Variants in ANKRD10 observed in about 807,000 individuals in gnomAD.
The protein encoded by ANKRD10 is ankyrin repeat domain-containing protein 10.
In ANKRD10, 14 loss-of-function variants were observed where a neutral mutation model predicts 27.0. The observed-to-expected ratio is 0.52, with a 90% confidence interval of 0.34 to 0.81. The LOEUF (loss-of-function observed/expected upper bound fraction) is 0.81. ANKRD10 is among the 40% of genes least tolerant of loss of function. The pLI is 0.01. For missense variants in ANKRD10, 493 were observed against 544.0 expected (o/e 0.91, Z 0.93); for synonymous variants, 250 against 224.5 (o/e 1.11, Z -1.01).
intron 3 of ANKRD10, chr13:110,894,046 T>C: frequency 8.5e-7 from 1 of 1,181,250 alleles, no homozygotes; most frequent in Non-Finnish European, 1.3e-6. Context: ...CAGATTCAAG[T>C]AGGAAGTGAT....
chr13:110,912,801 G>A (rs758491081), intron 1 of ANKRD10, among the ~76,000 whole-genome samples: 41 of 152,336 alleles, frequency 2.7e-4, no homozygotes, highest in Non-Finnish European at 5.3e-4. Context: ...GACTTCGCAA[G>A]CGGTAGCCCT....
chr13:110,905,966 TACTG>T, intron 3 of ANKRD10, 63 bp downstream of exon 3: 2 of 1,413,556 alleles, frequency 1.4e-6, no homozygotes, highest in South Asian at 2.6e-5. Context: ...CCTGCTTATG[TACTG>T]CCTTTAAACA....
intron 5 of ANKRD10, 25 bp downstream of exon 5, chr13:110,883,673 C>T (rs1039761909): frequency 4.3e-6 from 7 of 1,612,562 alleles, no homozygotes; most frequent in Non-Finnish European, 5.9e-6. Context: ...GTTGTTGCAG[C>T]TAACAGGAAA....
intron 2 of ANKRD10, among the ~76,000 whole-genome samples, chr13:110,910,363 C>T (rs2065659436): frequency 6.6e-6 from 1 of 152,144 alleles, no homozygotes; most frequent in Non-Finnish European, 1.5e-5. Flanking sequence ...CTTTAATTAC[C>T]AGCTATAACC....
At chr13:110,888,178 G>T (rs1449402221) in intron 4 of ANKRD10, among the ~76,000 whole-genome samples, 2 of 151,332 alleles carry the variant, frequency 1.3e-5, no homozygotes, top group Admixed American at 6.6e-5. Flanking sequence ...GACCGGGGGG[G>T]ACTGGGGGTT....
chr13:110,902,024 C>T (rs1375558641), intron 3 of ANKRD10, among the ~76,000 whole-genome samples: 1 of 111,940 alleles, frequency 8.9e-6, no homozygotes, highest in Non-Finnish European at 1.7e-5. Flanking sequence ...GCCTGGACGA[C>T]AAAGGGAGAC....
intron 2 of ANKRD10, 143 bp from the exon 3 acceptor site, chr13:110,906,267 A>G (rs1349166117): frequency 6.1e-6 from 4 of 652,900 alleles, no homozygotes; most frequent in Non-Finnish European, 1.0e-5. Context: ...GCAGAACACA[A>G]AGAAATCTAT....
intron 3 of ANKRD10, among the ~76,000 whole-genome samples, chr13:110,903,088 G>A (rs2065429430): frequency 1.3e-5 from 2 of 152,188 alleles, no homozygotes; most frequent in South Asian, 2.1e-4. Context: ...TTGTTCCATC[G>A]TTCAAAAGAA....
At chr13:110,891,022 G>A (rs577969152) in intron 4 of ANKRD10, among the ~76,000 whole-genome samples, 1 of 149,492 alleles carries the variant, frequency 6.7e-6, no homozygotes, top group South Asian at 2.1e-4. Flanking sequence ...GAAACTCTGA[G>A]ACTAGTTTTA....
At chr13:110,894,376 A>T in intron 3 of ANKRD10, 5 of 135,578 alleles carry the variant, frequency 3.7e-5, no homozygotes, top group East Asian at 1.9e-4. Flanking sequence ...CAGAACCCTG[A>T]TGCCTTTCTT....
chr13:110,897,583 T>C (rs1437521599), intron 3 of ANKRD10, among the ~76,000 whole-genome samples: 1 of 152,232 alleles, frequency 6.6e-6, no homozygotes, highest in African/African-American at 2.4e-5. Context: ...GGGGTATATA[T>C]ACCACATTTT....
Position 110,892,862 on chromosome 13 carries a change from C to T in ANKRD10, c.691+166G>A, listed in dbSNP as rs926108981. On this transcript the variant is annotated intron_variant, in intron 4 of 5. Coordinates refer to ENST00000267339, the MANE Select transcript of ANKRD10 (RefSeq NM_017664.4). ...ATTCCCTTTTGTTAAGTCCCATCTT[C>T]GCAGTGGCAGTACAGGAGAAATCTC... The T allele has an allele frequency of 6.3e-6, 9 of 1,421,886 alleles. No homozygotes were observed. The Admixed American group carries it at 1.2e-4, about 18-fold the overall frequency. The allele number at this position is 1,421,886 out of a possible 1,614,324, so 88.1% of individuals were successfully genotyped here. A position where few individuals can be genotyped will look rare whatever the true frequency, so the allele number is the denominator to read the frequency against.
In ANKRD10 at chr13:110,914,981, C is replaced by A. The variant is rs752139528; in HGVS notation, c.-47G>T. 255 of 1,505,280 alleles carry A rather than the reference C, an allele frequency of 1.7e-4. No individual in the cohort carries two copies. The highest frequency in any genetic ancestry group is 1.1e-4 in the Non-Finnish European group (120 of 1,131,834). 93.2% of individuals were successfully genotyped at this position (1,505,280 alleles called of 1,614,324 possible). On this transcript the variant is annotated 5_prime_UTR_variant, in exon 1 of 6. Transcript: ENST00000267339. ...GGGCTCGCTGGCCTAGAGGACGCGT[C>A]GGGGAGGACTCGAGAAGCCGCCGCC...
chr13:110,905,265 T>C (rs890860946), intron 3 of ANKRD10: 4 of 152,134 alleles, frequency 2.6e-5, no homozygotes, highest in African/African-American at 9.7e-5. Flanking sequence ...AATATAAATT[T>C]TTAAGAAAAA....
intron 3 of ANKRD10, among the ~76,000 whole-genome samples, chr13:110,897,372 C>G (rs2065256213): frequency 6.7e-6 from 1 of 150,114 alleles, no homozygotes; most frequent in Admixed American, 6.7e-5. Flanking sequence ...GATCCTCCCA[C>G]CTCAGACTCC....
At chr13:110,889,863 G>A (rs1023911541) in intron 4 of ANKRD10, among the ~76,000 whole-genome samples, 3 of 152,054 alleles carry the variant, frequency 2.0e-5, no homozygotes, top group Non-Finnish European at 4.4e-5. Context: ...AAAACAGAAC[G>A]CACTAAGTTT....
Position 110,914,996 on chromosome 13 carries a change from A to T in ANKRD10, c.-62T>A. ...GAGGACGCGTCGGGGAGGACTCGAG[A>T]AGCCGCCGCCGCAGCACAAAGGAAC... On this transcript the variant is annotated 5_prime_UTR_variant, in exon 1 of 6. Transcript: ENST00000267339. The T allele has an allele frequency of 4.7e-6, 7 of 1,490,536 alleles. No homozygotes were observed. Among genetic ancestry groups the T allele is most frequent in the Non-Finnish European group, 6.2e-6 (7 of 1,125,148 alleles). The allele number at this position is 1,490,536 out of a possible 1,614,324, so 92.3% of individuals were successfully genotyped here.
intron 1 of ANKRD10, among the ~76,000 whole-genome samples, chr13:110,912,821 C>T (rs1044470468): frequency 2.0e-5 from 3 of 152,174 alleles, no homozygotes; most frequent in Admixed American, 6.5e-5. Flanking sequence ...TGAGTCCTGG[C>T]CTGATTTCTG....
chr13:110,881,049 G>A (rs1431915246), intron 5 of ANKRD10, among the ~76,000 whole-genome samples: 1 of 152,062 alleles, frequency 6.6e-6, no homozygotes, highest in Non-Finnish European at 1.5e-5. Flanking sequence ...GGAACATCTG[G>A]GTACACCAGG....
Sources: gnomAD v4.1 joint callset for allele counts (sites outside exome capture counted in the v4.1 genomes callset) on GRCh38, gnomAD v4.1.1 for gene constraint, MANE v1.5 for transcripts, NCBI Gene and HGNC (gene_info 2026-07-23, HGNC 2026-07-21) for gene names.